Variants in HDHD2 observed in about 807,000 individuals in gnomAD.
HDHD2 encodes the protein haloacid dehalogenase-like hydrolase domain-containing protein 2.
HDHD2 carries 26 observed loss-of-function variants against 24.8 expected under a neutral mutation model. That is an observed-to-expected ratio of 1.05 (90% CI 0.77 to 1.45). The LOEUF (loss-of-function observed/expected upper bound fraction) is 1.45, where lower values mean the gene tolerates loss of function less well. Among genes scored for constraint, HDHD2 ranks in the 40% most tolerant of loss-of-function variants. HDHD2 has a pLI of 0.00. For missense variants in HDHD2, 299 were observed against 313.4 expected, an observed-to-expected ratio of 0.95 and a Z score of 0.35; for synonymous variants, 128 against 114.9, an observed-to-expected ratio of 1.11 and a Z score of -0.73.
At chr18:47,128,314 T>C (rs1244566648) in intron 4 of HDHD2, among the ~76,000 whole-genome samples, 1 of 152,236 alleles carries the variant, frequency 6.6e-6, no homozygotes, top group African/African-American at 2.4e-5. Flanking sequence ...CCTTCCCAAA[T>C]TGCCAGCTAA....
chr18:47,135,406 C>T (rs939132442), intron 2 of HDHD2, among the ~76,000 whole-genome samples: 4 of 152,038 alleles, frequency 2.6e-5, no homozygotes, highest in Non-Finnish European at 4.4e-5. Flanking sequence ...GGATTATAGG[C>T]ATGTGCCACC....
chr18:47,130,387 T>TA, intron 3 of HDHD2, 59 bp from the exon 4 acceptor site: 2 of 1,176,722 alleles, frequency 1.7e-6, no homozygotes, highest in South Asian at 1.3e-5. Context: ...TGTCACATTT[T>TA]AAAAAAGTAG....
chr18:47,139,500 T>A, intron 1 of HDHD2, among the ~76,000 whole-genome samples: 1 of 147,526 alleles, frequency 6.8e-6, no homozygotes, highest in African/African-American at 2.5e-5. Context: ...AAATCCTTTG[T>A]AGTACATTGA....
intron 3 of HDHD2, among the ~76,000 whole-genome samples, chr18:47,133,869 G>C (rs933462622): frequency 4.6e-5 from 7 of 152,106 alleles, no homozygotes; most frequent in Admixed American, 4.6e-4. Context: ...GTAGATTCTG[G>C]ATATTAGCCT....
chr18:47,108,381 C>T lies in HDHD2; in HGVS notation c.*301G>A, dbSNP rs1457145574. 1 of 255,118 alleles carries T rather than the reference C, an allele frequency of 3.9e-6. No individual in the cohort carries two copies. Among genetic ancestry groups the T allele is most frequent in the Non-Finnish European group, 7.3e-6 (1 of 136,122 alleles). The allele number at this position is 255,118 out of a possible 1,614,324, so 15.8% of individuals were successfully genotyped here. A position where few individuals can be genotyped will look rare whatever the true frequency, so the allele number is the denominator to read the frequency against. ...AAGAGACAGCAGAGAACACTCTTCC[C>T]TGTAGTAGCTTTTCCCCCACAGCCC... On this transcript the variant is annotated 3_prime_UTR_variant, in exon 7 of 7. Coordinates refer to ENST00000300605, the MANE Select transcript of HDHD2 (RefSeq NM_032124.5).
intron 1 of HDHD2, among the ~76,000 whole-genome samples, chr18:47,148,025 A>C (rs1398737237): frequency 1.5e-5 from 2 of 137,250 alleles, no homozygotes; most frequent in Non-Finnish European, 3.0e-5. Flanking sequence ...GTCTGACTCT[A>C]TCTCCTAGGC....
intron 1 of HDHD2, among the ~76,000 whole-genome samples, chr18:47,149,322 A>C (rs933943429): frequency 6.6e-6 from 1 of 152,190 alleles, no homozygotes; most frequent in Non-Finnish European, 1.5e-5. Context: ...GGGCGCTACA[A>C]AACATGCCTC....
At chr18:47,133,240 G>C (rs1477572977) in intron 3 of HDHD2, among the ~76,000 whole-genome samples, 1 of 151,294 alleles carries the variant, frequency 6.6e-6, no homozygotes, top group Non-Finnish European at 1.5e-5. Context: ...GTGAGAACAT[G>C]CAGTGTTTGG....
At position 47,143,774 on chromosome 18, in the gene HDHD2, A is replaced by G. The variant is rs556312531; in HGVS notation, c.-11+6604T>C. Among the ~76,000 whole-genome samples, 5 of 152,290 alleles carry G rather than the reference A, an allele frequency of 3.3e-5. No homozygotes were observed. In the East Asian group the frequency reaches 9.7e-4, roughly 29 times the overall value. On this transcript the variant is annotated intron_variant, in intron 1 of 6. Transcript: ENST00000300605. ...CAGGCTTTATTCTGACACTTTCAAA[A>G]TTATATCCATCTTTAAAGCATACAA...
chr18:47,137,295 G>A, intron 1 of HDHD2: 2 of 436,130 alleles, frequency 4.6e-6, no homozygotes, highest in Non-Finnish European at 8.6e-6. Flanking sequence ...CAGACGAGGT[G>A]TCTAGCGAAA....
At chr18:47,129,371 C>T (rs987669922) in intron 4 of HDHD2, among the ~76,000 whole-genome samples, 3 of 152,012 alleles carry the variant, frequency 2.0e-5, no homozygotes, top group Non-Finnish European at 4.4e-5. Flanking sequence ...TCTACTTCTA[C>T]CCACAGCCAC....
At chr18:47,110,399 C>T (rs2063506248) in intron 6 of HDHD2, 1 of 985,254 alleles carries the variant, frequency 1.0e-6, no homozygotes, top group Non-Finnish European at 1.2e-6. Flanking sequence ...TCTTCCCAAG[C>T]TTAAATATCG....
rs1172901949 is a variant in HDHD2, at chr18:47,134,568, T to C, written c.238A>G (p.Arg80Gly). ...DEIFTSLTAARSLLERKQVRP... is the reference protein window; with the variant it reads ...DEIFTSLTAAGSLLERKQVRP... ...ACTTGTTTCCGCTCTAGTAAACTTC[T>C]GGCTGCAGTCAGAGATGTGAATATT... The change falls in exon 3 of 7, where the codon AGA becomes GGA. Residue 80 changes from arginine (R) to glycine (G), a missense_variant. Transcript: ENST00000300605. 16 of 1,614,010 alleles carry C rather than the reference T, an allele frequency of 9.9e-6. No homozygotes were observed. The highest frequency in any genetic ancestry group is 2.2e-5 in the South Asian group (2 of 91,080).
At position 47,134,682 on chromosome 18, in the gene HDHD2, T is replaced by C. The variant is rs1239230408; in HGVS notation, c.124A>G (p.Ile42Val). 3 of 1,614,056 alleles carry C rather than the reference T, an allele frequency of 1.9e-6. No homozygotes were observed. The highest frequency in any genetic ancestry group is 3.3e-5 in the Admixed American group (2 of 60,014). ...LKRLRGASVI[I>V]RFVTNTTKES... ...TTGGTTGTATTGGTCACAAACCTAA[T>C]GATTACAGAAGCACCACGTAACCTG... Residue 42 changes from isoleucine (I) to valine (V), a missense_variant, in exon 3 of 7, where the codon ATT becomes GTT. By Grantham distance (29) the Ile-to-Val change is conservative. Coordinates refer to ENST00000300605, the MANE Select transcript of HDHD2 (RefSeq NM_032124.5).
At chr18:47,131,237 A>G (rs1168358159) in intron 3 of HDHD2, among the ~76,000 whole-genome samples, 1 of 152,122 alleles carries the variant, frequency 6.6e-6, no homozygotes, top group Non-Finnish European at 1.5e-5. Flanking sequence ...TCAGCCTCCC[A>G]AAGTGCTAGG....
At chr18:47,143,276 A>AC (rs1426055694) in intron 1 of HDHD2, among the ~76,000 whole-genome samples, 4 of 152,000 alleles carry the variant, frequency 2.6e-5, no homozygotes, top group Middle Eastern at 3.2e-3. Context: ...ATAAAGCGAG[A>AC]CCCCCATCTC....
In HDHD2 at chr18:47,130,335, A is replaced by T; in HGVS notation, c.311-7T>A. The T allele has an allele frequency of 6.4e-7, 1 of 1,562,480 alleles. No individual in the cohort carries two copies. The highest frequency in any genetic ancestry group is 8.7e-7 in the Non-Finnish European group (1 of 1,147,666). ...GGATCACTTGTTTGTATTCCTGGGA[A>T]CGGAAAAAAAAAATGATTGTTGCAA... is the stretch of plus-strand genomic sequence containing the variant. On this transcript the variant is annotated splice_region_variant and splice_polypyrimidine_tract_variant and intron_variant, in intron 3 of 6. Transcript: ENST00000300605.
intron 3 of HDHD2, among the ~76,000 whole-genome samples, chr18:47,130,790 G>T (rs1291778352): frequency 6.6e-6 from 1 of 152,096 alleles, no homozygotes; most frequent in African/African-American, 2.4e-5. Flanking sequence ...CACAACTGAG[G>T]TTAACACATT....
At chr18:47,136,982 T>A (rs1599954683) in intron 1 of HDHD2, 1 of 578,632 alleles carries the variant, frequency 1.7e-6, no homozygotes, top group East Asian at 3.2e-5. Context: ...GTACCTCTTT[T>A]GTGAAGTGGC....
Sources: allele counts gnomAD v4.1 joint callset (sites outside exome capture counted in the v4.1 genomes callset), GRCh38; gene constraint gnomAD v4.1.1; transcripts MANE v1.5; gene names NCBI Gene and HGNC (gene_info 2026-07-23, HGNC 2026-07-21).